Variants in SLCO1A2 observed in about 807,000 individuals in gnomAD.
SLCO1A2 encodes OATP-1.
SLCO1A2 carries 67 observed loss-of-function variants against 69.0 expected under a neutral mutation model. The ratio of observed to expected loss-of-function variants is 0.97; its 90% CI spans 0.80 to 1.19. The LOEUF is 1.19. Among genes scored for constraint, SLCO1A2 ranks in the 50% most tolerant of loss-of-function variants. SLCO1A2 has a pLI of 0.00. For synonymous variants in SLCO1A2, 260 were observed against 265.9 expected (o/e 0.98, Z 0.22); for missense variants, 787 against 793.7 (o/e 0.99, Z 0.10).
At chr12:21,325,658 G>T (rs1952166537) in intron 2 of SLCO1A2, among the ~76,000 whole-genome samples, 1 of 152,154 alleles carries the variant, frequency 6.6e-6, no homozygotes, top group Non-Finnish European at 1.5e-5. Context: ...ATCAGTAGGG[G>T]TTCCCTTTGG....
intron 2 of SLCO1A2, among the ~76,000 whole-genome samples, chr12:21,366,466 G>C (rs1939394680): frequency 6.6e-6 from 1 of 152,054 alleles, no homozygotes; most frequent in Non-Finnish European, 1.5e-5. Context: ...GACGGGTGCA[G>C]CACACCAACA....
upstream of SLCO1A2, among the ~76,000 whole-genome samples, chr12:21,335,362 G>A (rs1047268721): frequency 7.0e-6 from 1 of 142,590 alleles, no homozygotes; most frequent in African/African-American, 3.0e-5. Context: ...CATATAAATG[G>A]GTATCTATAT....
intron 1 of SLCO1A2, among the ~76,000 whole-genome samples, chr12:21,393,807 A>C (rs1194686266): frequency 3.9e-5 from 6 of 152,256 alleles, no homozygotes; most frequent in African/African-American, 1.4e-4. Flanking sequence ...TGTTTTCAAC[A>C]AACTTGAAAG....
intron 4 of SLCO1A2, among the ~76,000 whole-genome samples, chr12:21,308,783 C>G (rs1000089267): frequency 6.6e-6 from 1 of 152,220 alleles, no homozygotes; most frequent in African/African-American, 2.4e-5. Context: ...TGCGTAATGA[C>G]TCTACAAAGA....
intron 1 of SLCO1A2, chr12:21,378,136 G>C: frequency 1.8e-6 from 2 of 1,089,856 alleles, no homozygotes; most frequent in South Asian, 2.9e-5. Context: ...TGTGAAAATT[G>C]TTTCTTTGGT....
chr12:21,275,164 G>A (rs534925406), intron 13 of SLCO1A2, 196 bp downstream of exon 13: 5 of 790,318 alleles, frequency 6.3e-6, no homozygotes, highest in Admixed American at 4.5e-5. Flanking sequence ...GTGGGGGAAG[G>A]GGGGAGGGAT....
intron 1 of SLCO1A2, chr12:21,394,858 CATAAA>C (rs1458514390): frequency 6.6e-6 from 1 of 152,174 alleles, no homozygotes. Flanking sequence ...GATTAATTCA[CATAAA>C]ATAACAGATC....
At chr12:21,348,503 G>A (rs1281094064) in intron 2 of SLCO1A2, among the ~76,000 whole-genome samples, 1 of 152,150 alleles carries the variant, frequency 6.6e-6, no homozygotes, top group Non-Finnish European at 1.5e-5. Context: ...TGTGATGTTT[G>A]CCATTCTGTG....
At chr12:21,361,312 C>T (rs555514815) in intron 2 of SLCO1A2, among the ~76,000 whole-genome samples, 2 of 152,312 alleles carry the variant, frequency 1.3e-5, no homozygotes, top group Non-Finnish European at 1.5e-5. Flanking sequence ...AACAGACCTG[C>T]AGTTGAGGGT....
At chr12:21,280,919 T>C (rs934730279) in intron 12 of SLCO1A2, among the ~76,000 whole-genome samples, 10 of 152,038 alleles carry the variant, frequency 6.6e-5, no homozygotes, top group Non-Finnish European at 1.3e-4. Flanking sequence ...GAAATAAAAC[T>C]ACAAATCAAT....
chr12:21,390,758 C>G (rs543092626), intron 1 of SLCO1A2, among the ~76,000 whole-genome samples: 14 of 152,226 alleles, frequency 9.2e-5, no homozygotes, highest in African/African-American at 3.4e-4. Flanking sequence ...TCTAAATCTT[C>G]TTTTGCTGAA....
intron 1 of SLCO1A2, among the ~76,000 whole-genome samples, chr12:21,387,080 G>A (rs2192172): frequency 6.6e-6 from 1 of 152,004 alleles, no homozygotes; most frequent in African/African-American, 2.4e-5. Context: ...TTTTTGCCCC[G>A]GCCCTAGAGA....
chr12:21,401,929 G>C (rs1272433807), intron 1 of SLCO1A2, among the ~76,000 whole-genome samples: 1 of 151,380 alleles, frequency 6.6e-6, no homozygotes, highest in African/African-American at 2.4e-5. Flanking sequence ...TAATAGCTCA[G>C]CAGAGAAAGT....
At chr12:21,334,185 G>T (rs911488838) in intron 2 of SLCO1A2, among the ~76,000 whole-genome samples, 1 of 152,056 alleles carries the variant, frequency 6.6e-6, no homozygotes, top group African/African-American at 2.4e-5. Context: ...TTGTTTTGCT[G>T]GGTAATTGCA....
intron 2 of SLCO1A2, among the ~76,000 whole-genome samples, chr12:21,349,655 C>T (rs1304193915): frequency 6.6e-6 from 1 of 152,178 alleles, no homozygotes; most frequent in African/African-American, 2.4e-5. Flanking sequence ...AACTACCTCT[C>T]AAACTTCATT....
intron 12 of SLCO1A2, among the ~76,000 whole-genome samples, chr12:21,285,729 AG>A (rs1285676040): frequency 6.7e-6 from 1 of 149,656 alleles, no homozygotes; most frequent in Non-Finnish European, 1.5e-5. Flanking sequence ...AATGTAATCC[AG>A]CATATAAACA....
At chr12:21,299,516 T>C (rs1432783666) in intron 8 of SLCO1A2, among the ~76,000 whole-genome samples, 1 of 151,550 alleles carries the variant, frequency 6.6e-6, no homozygotes, top group Non-Finnish European at 1.5e-5. Context: ...TTAAAAATTA[T>C]TATTCTTCCC....
At position 21,274,697 on chromosome 12, in the gene SLCO1A2, T is replaced by A. The variant is rs540902939; in HGVS notation, c.1676-111A>T. On this transcript the variant is annotated intron_variant, in intron 13 of 14. Coordinates refer to ENST00000683939, the MANE Select transcript of SLCO1A2 (RefSeq NM_001386879.1). ...ACGGCAAAGTTTATCAAAACATAAA[T>A]CTAATGGTCTAAATTTTATTTTTAG... 11 of 800,572 alleles carry A rather than the reference T, an allele frequency of 1.4e-5. No homozygotes were observed. In the East Asian group the frequency reaches 2.3e-4, roughly 17 times the overall value. 49.6% of individuals were successfully genotyped at this position (800,572 alleles called of 1,614,324 possible).
chr12:21,356,085 T>A (rs1028377039), intron 2 of SLCO1A2, among the ~76,000 whole-genome samples: 20 of 151,902 alleles, frequency 1.3e-4, no homozygotes, highest in Non-Finnish European at 8.8e-5. Context: ...GAGAAAAAAA[T>A]TCAAGAATCA....
Sources: gnomAD v4.1 joint callset for allele counts (sites outside exome capture counted in the v4.1 genomes callset) on GRCh38, gnomAD v4.1.1 for gene constraint, MANE v1.5 for transcripts, NCBI Gene and HGNC (gene_info 2026-07-23, HGNC 2026-07-21) for gene names.